The following BPTF variants were observed in gnomAD, a reference collection of about 807,000 sequenced individuals.
BPTF encodes the protein bromodomain PHD finger transcription factor, also known as nucleosome-remodeling factor subunit BPTF.
Under a neutral mutation model 292.5 loss-of-function variants are expected in BPTF, and 18 were observed. That is an observed-to-expected ratio of 0.06 (90% CI 0.04 to 0.09). The LOEUF is 0.09. Ranked by LOEUF, BPTF falls within the 10% of genes least tolerant of loss-of-function variation. The pLI, the probability that BPTF is intolerant of heterozygous loss-of-function variation, is 1.00. For missense variants in BPTF, 2,726 were observed against 3,498.7 expected (o/e 0.78, Z 5.57); for synonymous variants, 1,225 against 1,251.9 (o/e 0.98, Z 0.45).
chr17:67,964,450 A>C, intron 25 of BPTF, 46 bp downstream of exon 25: 2 of 1,545,738 alleles, frequency 1.3e-6, no homozygotes, highest in Non-Finnish European at 1.8e-6. Context: ...ATCAGCCAGC[A>C]TAATTTTGGA....
At chr17:67,921,186 G>A (rs1023104109) in intron 13 of BPTF, among the ~76,000 whole-genome samples, 24 of 143,162 alleles carry the variant, frequency 1.7e-4, no homozygotes, top group Non-Finnish European at 7.5e-5. Flanking sequence ...CTCCAGTCTG[G>A]GTAACAGATT....
chr17:67,843,945 A>G (rs2057798691), intron 1 of BPTF, among the ~76,000 whole-genome samples: 1 of 148,738 alleles, frequency 6.7e-6, no homozygotes, highest in Admixed American at 6.7e-5. Context: ...TATTATTATT[A>G]GTAGAGATGG....
intron 3 of BPTF, among the ~76,000 whole-genome samples, 188 bp downstream of exon 3, chr17:67,866,875 C>A (rs1306094864): frequency 6.6e-6 from 1 of 152,238 alleles, no homozygotes; most frequent in African/African-American, 2.4e-5. Flanking sequence ...ATAGAGTACA[C>A]TTACACAAAC....
Position 67,912,827 on chromosome 17 carries a change from C to T in BPTF, c.4943C>T (p.Ser1648Phe). ...PSTGGSVDII[S>F]VKEQSKTVVT... ...ACAGGCGGCAGTGTGGACATCATCT[C>T]TGTAAAGGAGCAGAGCAAAACCGTG... The change falls in exon 11 of 28, where the codon TCT becomes TTT. Residue 1648 changes from serine (S) to phenylalanine (F), a missense_variant. Ser to Phe is a radical substitution (Grantham distance 155, BLOSUM62 -2). Coordinates refer to ENST00000306378, the MANE Select transcript of BPTF (RefSeq NM_182641.4). The T allele has an allele frequency of 6.2e-7, 1 of 1,614,174 alleles. No homozygotes were observed. Among genetic ancestry groups the T allele is most frequent in the Non-Finnish European group, 8.5e-7 (1 of 1,180,028 alleles).
chr17:67,874,716 C>G, intron 3 of BPTF, 101 bp from the exon 4 acceptor site: 1 of 716,732 alleles, frequency 1.4e-6, no homozygotes, highest in Non-Finnish European at 2.3e-6. Flanking sequence ...TTAATTTTTC[C>G]TCTTTAATAG....
At chr17:67,849,895 C>T (rs1048270663) in intron 1 of BPTF, among the ~76,000 whole-genome samples, 2 of 151,858 alleles carry the variant, frequency 1.3e-5, no homozygotes, top group African/African-American at 2.4e-5. Context: ...GAGCTGAGAT[C>T]GTGCCACTGC....
intron 27 of BPTF, 129 bp downstream of exon 27, chr17:67,976,087 TAAATC>T (rs2069375084): frequency 2.9e-6 from 2 of 692,230 alleles, no homozygotes; most frequent in African/African-American, 1.9e-5. Flanking sequence ...AAAAAATAAA[TAAATC>T]AAGACTCCAG....
At chr17:67,916,165 A>G (rs996237040) in intron 11 of BPTF, among the ~76,000 whole-genome samples, 5 of 152,222 alleles carry the variant, frequency 3.3e-5, no homozygotes, top group Non-Finnish European at 5.9e-5. Flanking sequence ...TGTCCAGGTC[A>G]GAGGATTCAT....
intron 9 of BPTF, among the ~76,000 whole-genome samples, chr17:67,906,270 A>C (rs1484798824): frequency 6.6e-6 from 1 of 152,058 alleles, no homozygotes; most frequent in Non-Finnish European, 1.5e-5. Context: ...TTATAGAGAC[A>C]GGGTTTCACT....
chr17:67,855,739 A>G (rs1567909316), intron 2 of BPTF, among the ~76,000 whole-genome samples: 1 of 152,254 alleles, frequency 6.6e-6, no homozygotes, highest in Non-Finnish European at 1.5e-5. Context: ...TTGTGTCTTC[A>G]GCTTCTGAAG....
At chr17:67,844,188 T>G (rs1185904149) in intron 1 of BPTF, among the ~76,000 whole-genome samples, 1 of 149,074 alleles carries the variant, frequency 6.7e-6, no homozygotes, top group African/African-American at 2.5e-5. Context: ...CAAGTGAGTC[T>G]CGTGCCACAG....
intron 23 of BPTF, among the ~76,000 whole-genome samples, chr17:67,953,961 C>CTTTTTTTTTTTTTTTTTTTTTTTTTTTTT (rs869063412): frequency 3.0e-5 from 2 of 65,640 alleles, no homozygotes; most frequent in African/African-American, 1.4e-4. Flanking sequence ...CTTTTCTTTT[C>CTTTTTTTTTTTTTTTTTTTTTTTTTTTTT]TTTTTTTTTT....
chr17:67,859,069 T>C (rs1216846606), intron 2 of BPTF, among the ~76,000 whole-genome samples: 1 of 152,148 alleles, frequency 6.6e-6, no homozygotes, highest in African/African-American at 2.4e-5. Flanking sequence ...GTCCTAAGCA[T>C]TTTATGTATT....
chr17:67,842,708 C>T (rs991320689), intron 1 of BPTF, among the ~76,000 whole-genome samples: 9 of 149,904 alleles, frequency 6.0e-5, no homozygotes, highest in African/African-American at 2.2e-4. Context: ...CTGTCCCCAA[C>T]TTTAAGCCTT....
At chr17:67,900,292 A>G (rs2061740856) in intron 7 of BPTF, among the ~76,000 whole-genome samples, 3 of 151,940 alleles carry the variant, frequency 2.0e-5, no homozygotes, top group East Asian at 3.9e-4. Context: ...TTTAGTAGAG[A>G]TGGGGTTTTG....
intron 1 of BPTF, among the ~76,000 whole-genome samples, chr17:67,827,472 A>G (rs2056194794): frequency 6.6e-6 from 1 of 152,234 alleles, no homozygotes; most frequent in African/African-American, 2.4e-5. Context: ...TGTGAAATTA[A>G]CATAACCAAA....
At chr17:67,971,965 T>G (rs1218952924) in intron 26 of BPTF, among the ~76,000 whole-genome samples, 1 of 152,124 alleles carries the variant, frequency 6.6e-6, no homozygotes, top group African/African-American at 2.4e-5. Flanking sequence ...AGGGGTATAT[T>G]TTTTGTCTTT....
In BPTF at chr17:67,945,872, A is replaced by C; in HGVS notation, c.7164A>C (p.Gln2388His). ...ATACATCTCTTCAGATACCTTCCCA[A>C]GGCCAGCCACAGTCACAACCCCAGG... ...QPHTSLQIPS[Q>H]GQPQSQPQVQ... Residue 2388 changes from glutamine (Q) to histidine (H), a missense_variant, in exon 21 of 28, where the codon CAA (glutamine) becomes CAC (histidine). Coordinates refer to ENST00000306378, the MANE Select transcript of BPTF (RefSeq NM_182641.4). 6.2e-7 allele frequency: 1 copy of C among 1,614,164 alleles called. No individual in the cohort carries two copies. Among genetic ancestry groups the C allele is most frequent in the African/African-American group, 1.3e-5 (1 of 75,022 alleles).
chr17:67,921,544 A>C lies in BPTF; in HGVS notation c.5558-1296A>C, dbSNP rs532529107. Among the ~76,000 whole-genome samples the C allele has an allele frequency of 2.6e-5, 4 of 152,230 alleles. No individual in the cohort carries two copies. In the South Asian group the frequency reaches 8.3e-4, roughly 32 times the overall value. Reference sequence around the variant, plus strand: ...CCATTTCCAAGTAAATAAATAAATAAATAAATAAATAAAAAGATAATGTCC... The same window carrying C: ...CCATTTCCAAGTAAATAAATAAATACATAAATAAATAAAAAGATAATGTCC... On this transcript the variant is annotated intron_variant, in intron 13 of 27. Coordinates refer to ENST00000306378, the MANE Select transcript of BPTF (RefSeq NM_182641.4).
Sources: allele counts gnomAD v4.1 joint callset (sites outside exome capture counted in the v4.1 genomes callset), GRCh38; gene constraint gnomAD v4.1.1; transcripts MANE v1.5; gene names NCBI Gene and HGNC (gene_info 2026-07-23, HGNC 2026-07-21).